UNC13C: variants seen among roughly 807,000 people sequenced by gnomAD.
The protein encoded by UNC13C is protein unc-13 homolog C.
UNC13C carries 174 observed loss-of-function variants against 245.4 expected under a neutral mutation model. The ratio of observed to expected loss-of-function variants is 0.71; its 90% CI spans 0.63 to 0.80. The LOEUF (loss-of-function observed/expected upper bound fraction) is 0.80. Among genes scored for constraint, UNC13C ranks in the 30% least tolerant of loss-of-function variants. UNC13C has a pLI of 0.00. For synonymous variants in UNC13C, 992 were observed against 895.1 expected (o/e 1.11, Z -1.93); for missense variants, 2,829 against 2,602.9 (o/e 1.09, Z -1.89).
At chr15:54,426,457 A>C (rs1368100341) in intron 19 of UNC13C, among the ~76,000 whole-genome samples, 1 of 150,612 alleles carries the variant, frequency 6.6e-6, no homozygotes, top group African/African-American at 2.4e-5. Flanking sequence ...GCCTTGCTTT[A>C]TCAAAGTATG....
At chr15:54,135,994 C>T (rs2031709695) in intron 2 of UNC13C, among the ~76,000 whole-genome samples, 1 of 152,046 alleles carries the variant, frequency 6.6e-6, no homozygotes, top group South Asian at 2.1e-4. Context: ...AACATCTTTC[C>T]ATTTATTTAT....
chr15:54,615,441 C>G (rs1305916597), intron 30 of UNC13C, among the ~76,000 whole-genome samples: 1 of 151,886 alleles, frequency 6.6e-6, no homozygotes. Flanking sequence ...CAGTGATCAC[C>G]AAGAAGAAGA....
intron 19 of UNC13C, among the ~76,000 whole-genome samples, chr15:54,484,002 G>T (rs1036412941): frequency 6.6e-6 from 1 of 151,978 alleles, no homozygotes. Flanking sequence ...TCTTCTGGAA[G>T]TGGTCTTCCA....
chr15:54,116,576 G>T (rs1458525289), intron 2 of UNC13C, among the ~76,000 whole-genome samples: 1 of 151,970 alleles, frequency 6.6e-6, no homozygotes, highest in East Asian at 1.9e-4. Context: ...ATAACTTCCA[G>T]TTTCATCCAT....
At chr15:54,626,433 A>G (rs1901152983) in intron 32 of UNC13C, among the ~76,000 whole-genome samples, 1 of 146,886 alleles carries the variant, frequency 6.8e-6, no homozygotes, top group Non-Finnish European at 1.5e-5. Context: ...TGCGAGGAGT[A>G]GTAACTGATA....
intron 2 of UNC13C, among the ~76,000 whole-genome samples, chr15:54,084,299 C>G (rs752261531): frequency 6.6e-6 from 1 of 152,176 alleles, no homozygotes; most frequent in Non-Finnish European, 1.5e-5. Flanking sequence ...TTAAGTTCCT[C>G]GTGTATAACG....
downstream of UNC13C, chr15:54,630,294 T>TATC: frequency 1.3e-5 from 2 of 152,242 alleles, 1 homozygote; most frequent in Middle Eastern, 6.3e-3. Flanking sequence ...TGCGCTAATT[T>TATC]ATCTACTTCT....
At chr15:54,454,419 A>C (rs1203556501) in intron 19 of UNC13C, among the ~76,000 whole-genome samples, 4 of 152,090 alleles carry the variant, frequency 2.6e-5, no homozygotes, top group Non-Finnish European at 5.9e-5. Flanking sequence ...TCTACTAAAA[A>C]TACAAAAAGT....
intron 30 of UNC13C, among the ~76,000 whole-genome samples, chr15:54,597,658 G>A (rs148654593): frequency 2.0e-5 from 3 of 152,158 alleles, no homozygotes; most frequent in African/African-American, 2.4e-5. Flanking sequence ...TAACCTACAC[G>A]ACACATACTA....
intron 1 of UNC13C, among the ~76,000 whole-genome samples, chr15:53,989,921 G>A (rs1361664642): frequency 6.6e-6 from 1 of 151,848 alleles, no homozygotes; most frequent in Non-Finnish European, 1.5e-5. Context: ...GAAACCAGAG[G>A]AAAAAATGGG....
At chr15:54,142,587 C>T (rs955297559) in intron 2 of UNC13C, among the ~76,000 whole-genome samples, 35 of 152,182 alleles carry the variant, frequency 2.3e-4, no homozygotes, top group African/African-American at 8.0e-4. Flanking sequence ...ATACTGATCT[C>T]AATTAATTCT....
chr15:54,338,625 C>T (rs2038652288), intron 17 of UNC13C, 136 bp downstream of exon 17: 1 of 960,412 alleles, frequency 1.0e-6, no homozygotes, highest in Non-Finnish European at 1.5e-6. Context: ...ATTTCCATAC[C>T]TTTTCTTCAT....
In UNC13C at chr15:54,463,149, T is replaced by A. The variant is rs893834557; in HGVS notation, c.4934-31459T>A. On this transcript the variant is annotated intron_variant, in intron 19 of 32. Coordinates refer to ENST00000260323, the MANE Select transcript of UNC13C (RefSeq NM_001080534.3). Reference sequence around the variant, plus strand: ...TAAATGCACCACTCAGCACCCTGTGTCTAGCTCAAGGTTTGTAAACACACC... The same window carrying A: ...TAAATGCACCACTCAGCACCCTGTGACTAGCTCAAGGTTTGTAAACACACC... Among the ~76,000 whole-genome samples the A allele has an allele frequency of 2.0e-5, 3 of 150,912 alleles. No homozygotes were observed. In the East Asian group the frequency reaches 5.9e-4, roughly 30 times the overall value.
chr15:54,455,828 A>C (rs1207957498), intron 19 of UNC13C, among the ~76,000 whole-genome samples: 1 of 151,794 alleles, frequency 6.6e-6, no homozygotes, highest in African/African-American at 2.4e-5. Flanking sequence ...ATGTCTGTTT[A>C]CTCTGCTGAT....
chr15:53,937,239 C>T, the UNC13C span, among the ~76,000 whole-genome samples: 2 of 151,880 alleles, frequency 1.3e-5, no homozygotes, highest in African/African-American at 4.8e-5. Context: ...ATAATGCAAT[C>T]ACAAGTATCA....
Position 54,561,237 on chromosome 15 carries a change from G to C in UNC13C, c.5958+5725G>C, listed in dbSNP as rs967510117. ...AAGCAGTGCTGTTCATTCTCTCCGG[G>C]AGTTTCTAGTCCAGATTAAAAGCTG... is the stretch of plus-strand genomic sequence containing the variant. On this transcript the variant is annotated intron_variant, in intron 29 of 32. Transcript: ENST00000260323. 2.6e-5 allele frequency among the ~76,000 whole-genome samples: 4 copies of C among 151,932 alleles called. No individual in the cohort carries two copies. In the East Asian group the frequency reaches 7.8e-4, roughly 29 times the overall value.
At chr15:53,967,682 A>G in the UNC13C span, among the ~76,000 whole-genome samples, 4 of 152,198 alleles carry the variant, frequency 2.6e-5, no homozygotes, top group African/African-American at 9.6e-5. Context: ...ACAGCTCACC[A>G]TGTGATTAAG....
intron 6 of UNC13C, 118 bp downstream of exon 6, chr15:54,236,553 A>C: frequency 1.3e-6 from 1 of 789,556 alleles, no homozygotes; most frequent in South Asian, 2.0e-5. Flanking sequence ...ACATACAAGA[A>C]TAAGAAGTTT....
chr15:54,196,368 T>G (rs1281103059), intron 4 of UNC13C, among the ~76,000 whole-genome samples: 1 of 151,460 alleles, frequency 6.6e-6, no homozygotes, highest in East Asian at 1.9e-4. Context: ...TCCTGCAACC[T>G]CCAGAAATGA....
Sources: gnomAD v4.1 joint callset for allele counts (sites outside exome capture counted in the v4.1 genomes callset) on GRCh38, gnomAD v4.1.1 for gene constraint, MANE v1.5 for transcripts, NCBI Gene and HGNC (gene_info 2026-07-23, HGNC 2026-07-21) for gene names.